Variants in MTMR9 observed in about 807,000 individuals in gnomAD.
MTMR9 encodes the protein myotubularin-related protein 9.
A neutral mutation model predicts 69.5 loss-of-function variants in MTMR9; 39 were observed. That is an observed-to-expected ratio of 0.56 (90% CI 0.43 to 0.73). The LOEUF (loss-of-function observed/expected upper bound fraction) is 0.73, where lower values mean the gene tolerates loss of function less well. MTMR9 is among the 30% of genes least tolerant of loss of function. MTMR9 has a pLI of 0.00. For synonymous variants in MTMR9, 354 were observed against 240.8 expected (o/e 1.47, Z -4.35); for missense variants, 900 against 671.2 (o/e 1.34, Z -3.77).
intron 2 of MTMR9, chr8:11,298,723 C>CT (rs1563270268): frequency 2.3e-6 from 2 of 877,978 alleles, no homozygotes; most frequent in Admixed American, 6.3e-5. Context: ...CCGCTGCACC[C>CT]CCCCCCCGCC....
At chr8:11,332,175 A>G (rs1801262889), downstream of MTMR9, 1 of 1,573,872 alleles carries the variant, frequency 6.4e-7, no homozygotes, top group South Asian at 1.2e-5. Flanking sequence ...AATAAAGACA[A>G]AGACTGAAGA....
At chr8:11,331,697 C>G, downstream of MTMR9, 1 of 1,612,006 alleles carries the variant, frequency 6.2e-7, no homozygotes, top group Admixed American at 1.7e-5. Context: ...TGCAGGCTTT[C>G]CTGGGAGGCC....
chr8:11,320,217 A>C (rs1800616617), intron 9 of MTMR9: 1 of 175,028 alleles, frequency 5.7e-6, no homozygotes, highest in African/African-American at 2.4e-5. Flanking sequence ...AGGTTCTTGT[A>C]TTAAATGGTA....
intron 5 of MTMR9, among the ~76,000 whole-genome samples, chr8:11,307,111 A>C (rs546024249): frequency 9.9e-5 from 15 of 152,264 alleles, no homozygotes; most frequent in Middle Eastern, 6.8e-3. Flanking sequence ...TTGCTCTGTC[A>C]GCCAGGCTGG....
At chr8:11,318,993 G>C (rs1298624525) in intron 8 of MTMR9, 1 of 152,038 alleles carries the variant, frequency 6.6e-6, no homozygotes, top group Non-Finnish European at 1.5e-5. Flanking sequence ...ATTGTATACT[G>C]CTCGGATGAT....
intron 9 of MTMR9, chr8:11,321,553 C>G (rs763856841): frequency 4.4e-6 from 2 of 454,110 alleles, no homozygotes; most frequent in Non-Finnish European, 8.9e-6. Context: ...GGATTAAGTC[C>G]TGCCATGCCG....
At chr8:11,328,656 A>G (rs1042529377), downstream of MTMR9, among the ~76,000 whole-genome samples, 1 of 152,224 alleles carries the variant, frequency 6.6e-6, no homozygotes, top group Non-Finnish European at 1.5e-5. Flanking sequence ...CTAACAGTGA[A>G]TGGCAAAACT....
chr8:11,316,722 C>G lies in MTMR9; in HGVS notation c.1163C>G (p.Thr388Ser). The G allele has an allele frequency of 6.2e-7, 1 of 1,613,520 alleles. No individual in the cohort carries two copies. Among genetic ancestry groups the G allele is most frequent in the Non-Finnish European group, 8.5e-7 (1 of 1,179,792 alleles). The change falls in exon 8 of 10, where the codon ACC (threonine) becomes AGC (serine). Residue 388 changes from threonine (T) to serine (S), a missense_variant. Thr to Ser is a moderately conservative substitution (Grantham distance 58). Coordinates refer to ENST00000221086, the MANE Select transcript of MTMR9 (RefSeq NM_015458.4). Reference protein sequence around the residue: ...QRCAQSAYCNTKQKWEAPVFL... With the variant: ...QRCAQSAYCNSKQKWEAPVFL... Reference sequence around the variant, plus strand: ...TGTGCACAGTCAGCCTACTGTAACACCAAGCAGAAGTGGGAGGCTCCTGTA... The same window carrying G: ...TGTGCACAGTCAGCCTACTGTAACAGCAAGCAGAAGTGGGAGGCTCCTGTA...
At chr8:11,301,460 A>T (rs1799745563) in intron 3 of MTMR9, among the ~76,000 whole-genome samples, 2 of 152,252 alleles carry the variant, frequency 1.3e-5, no homozygotes, top group African/African-American at 4.8e-5. Context: ...TATGTAAAAA[A>T]GATAAACCTA....
chr8:11,335,351 A>G, the MTMR9 span, among the ~76,000 whole-genome samples: 30 of 152,242 alleles, frequency 2.0e-4, no homozygotes, highest in Non-Finnish European at 3.2e-4. Flanking sequence ...TTAGATATAA[A>G]TCTAACAAAA....
At chr8:11,332,993 GAAT>G (rs1339407074), downstream of MTMR9, among the ~76,000 whole-genome samples, 4 of 152,120 alleles carry the variant, frequency 2.6e-5, no homozygotes, top group Non-Finnish European at 5.9e-5. Flanking sequence ...TAAAGAAAAA[GAAT>G]AAAAATAGTG....
At chr8:11,311,178 T>C (rs1800182914) in intron 6 of MTMR9, among the ~76,000 whole-genome samples, 1 of 152,226 alleles carries the variant, frequency 6.6e-6, no homozygotes, top group South Asian at 2.1e-4. Flanking sequence ...TTCAGCCTAG[T>C]CATTAGGTTT....
chr8:11,302,356 C>A (rs920190409), intron 3 of MTMR9, among the ~76,000 whole-genome samples: 1 of 143,966 alleles, frequency 6.9e-6, no homozygotes, highest in African/African-American at 2.6e-5. Flanking sequence ...TCTCCAGAAT[C>A]AGTAGAAGTT....
chr8:11,287,156 C>G (rs938573028), intron 1 of MTMR9, among the ~76,000 whole-genome samples: 6 of 152,194 alleles, frequency 3.9e-5, no homozygotes, highest in Non-Finnish European at 8.8e-5. Flanking sequence ...TCATTTTTAT[C>G]TCCTTCGAAA....
intron 8 of MTMR9, chr8:11,318,383 C>G (rs1192208750): frequency 2.6e-5 from 4 of 152,174 alleles, no homozygotes; most frequent in Admixed American, 2.6e-4. Flanking sequence ...ACATGCTATC[C>G]CAGCAGTTAA....
intron 2 of MTMR9, chr8:11,297,994 C>G (rs1419875599): frequency 2.2e-6 from 1 of 455,514 alleles, no homozygotes; most frequent in South Asian, 1.6e-5. Flanking sequence ...GCTGAGCTGT[C>G]CTTTGTAATT....
chr8:11,285,722 C>T (rs1475396598), intron 1 of MTMR9, among the ~76,000 whole-genome samples: 1 of 152,050 alleles, frequency 6.6e-6, no homozygotes, highest in East Asian at 1.9e-4. Context: ...CTTTATCTTT[C>T]CAAGGCAGTG....
chr8:11,289,075 G>C (rs1432287286), intron 1 of MTMR9, among the ~76,000 whole-genome samples: 1 of 152,120 alleles, frequency 6.6e-6, no homozygotes, highest in African/African-American at 2.4e-5. Context: ...AGGAGGCTGA[G>C]GCAGGAGAAT....
At chr8:11,331,058 G>C (rs771975271), downstream of MTMR9, 2 of 1,547,704 alleles carry the variant, frequency 1.3e-6, no homozygotes, top group African/African-American at 2.7e-5. Context: ...GGAGCTCTGA[G>C]GGGCCCAGGC....
Sources: gnomAD v4.1 joint callset for allele counts (sites outside exome capture counted in the v4.1 genomes callset) on GRCh38, gnomAD v4.1.1 for gene constraint, MANE v1.5 for transcripts, NCBI Gene and HGNC (gene_info 2026-07-23, HGNC 2026-07-21) for gene names.